Variants in ST6GALNAC5 observed in about 807,000 individuals in gnomAD.
The protein encoded by ST6GALNAC5 is alpha-N-acetylgalactosaminide alpha-2,6-sialyltransferase 5.
ST6GALNAC5 carries 27 observed loss-of-function variants against 33.6 expected under a neutral mutation model. The observed-to-expected ratio is 0.80, with a 90% CI of 0.59 to 1.11. The LOEUF (loss-of-function observed/expected upper bound fraction) is 1.11. ST6GALNAC5 is among the 50% of genes least tolerant of loss of function. The pLI, the probability that ST6GALNAC5 is intolerant of heterozygous loss-of-function variation, is 0.00. For missense variants in ST6GALNAC5, 428 were observed against 454.0 expected (o/e 0.94, Z 0.52); for synonymous variants, 194 against 171.2 (o/e 1.13, Z -1.04).
intron 2 of ST6GALNAC5, among the ~76,000 whole-genome samples, chr1:76,936,168 T>G (rs892960183): frequency 6.6e-6 from 1 of 152,080 alleles, no homozygotes; most frequent in Non-Finnish European, 1.5e-5. Context: ...GGGTGGCATA[T>G]TTTGCACACG....
chr1:77,066,335 A>G lies in ST6GALNAC5; in HGVS notation c.*3129A>G, dbSNP rs1652777811. Among the ~76,000 whole-genome samples the G allele has an allele frequency of 6.6e-6, 1 of 152,162 alleles. No homozygotes were observed. Among genetic ancestry groups the G allele is most frequent in the Non-Finnish European group, 1.5e-5 (1 of 68,024 alleles). ...ATTTGTGTGGTCTCTCACAATCCTTAGGTTACTACCAGATTTGTGTATCCT... is the reference window on the plus strand; with the variant it reads ...ATTTGTGTGGTCTCTCACAATCCTTGGGTTACTACCAGATTTGTGTATCCT... On this transcript the variant is annotated 3_prime_UTR_variant, in exon 5 of 5. Transcript: ENST00000477717.
chr1:77,007,844 C>T (rs1434144906), intron 2 of ST6GALNAC5, among the ~76,000 whole-genome samples: 2 of 152,252 alleles, frequency 1.3e-5, no homozygotes, highest in East Asian at 3.8e-4. Flanking sequence ...TTCTCACTTC[C>T]TTTATGCTTT....
chr1:77,053,920 C>A (rs1245786143), intron 4 of ST6GALNAC5, among the ~76,000 whole-genome samples: 5 of 152,174 alleles, frequency 3.3e-5, no homozygotes, highest in Non-Finnish European at 1.5e-5. Context: ...CCCAGTGTCT[C>A]ACTGCAATGA....
intron 2 of ST6GALNAC5, among the ~76,000 whole-genome samples, chr1:77,005,668 A>G (rs1365456844): frequency 6.6e-6 from 1 of 152,222 alleles, no homozygotes; most frequent in African/African-American, 2.4e-5. Context: ...TTCTCATCCC[A>G]AATTGAAACT....
intron 2 of ST6GALNAC5, among the ~76,000 whole-genome samples, chr1:76,873,598 C>G (rs1027219136): frequency 6.6e-6 from 1 of 152,042 alleles, no homozygotes; most frequent in Non-Finnish European, 1.5e-5. Flanking sequence ...ATCTCAAGAC[C>G]CTAGTATGTC....
intron 4 of ST6GALNAC5, among the ~76,000 whole-genome samples, chr1:77,061,864 T>C (rs1053713280): frequency 6.6e-6 from 1 of 152,098 alleles, no homozygotes; most frequent in African/African-American, 2.4e-5. Flanking sequence ...GACAGAGATA[T>C]AGAGGCAGAA....
chr1:76,995,612 T>A (rs1283741598), intron 2 of ST6GALNAC5: 1 of 151,626 alleles, frequency 6.6e-6, no homozygotes, highest in Non-Finnish European at 1.5e-5. Context: ...TGAAAAAAAA[T>A]AATGTGAATT....
In ST6GALNAC5 at chr1:76,868,765, G is replaced by C; in HGVS notation, c.261+23G>C. 6.8e-7 allele frequency: 1 copy of C among 1,470,290 alleles called. No homozygotes were observed. The highest frequency in any genetic ancestry group is 1.4e-5 in the South Asian group (1 of 70,992). The allele number at this position is 1,470,290 out of a possible 1,614,324, so 91.1% of individuals were successfully genotyped here. On this transcript the variant is annotated intron_variant, in intron 2 of 4. Transcript: ENST00000477717. The surrounding 1 kb of genome is among the most constrained non-coding windows in gnomAD (Gnocchi z 4.3). ...AAGGTGACAGCATGCCCGCCAGCCCGCTCGCCACTCAGCCTGGGGATCCCG... is the reference window on the plus strand; with the variant it reads ...AAGGTGACAGCATGCCCGCCAGCCCCCTCGCCACTCAGCCTGGGGATCCCG...
chr1:76,967,550 AT>A (rs1202756904), intron 2 of ST6GALNAC5, among the ~76,000 whole-genome samples: 1 of 152,084 alleles, frequency 6.6e-6, no homozygotes, highest in African/African-American at 2.4e-5. Flanking sequence ...GAATTCATTA[AT>A]TTTTTGAAGG....
At chr1:76,879,979 GCTCTTTCTCTACGGGAGATAAGA>G (rs1464676050) in intron 2 of ST6GALNAC5, among the ~76,000 whole-genome samples, 2 of 152,138 alleles carry the variant, frequency 1.3e-5, no homozygotes, top group African/African-American at 4.8e-5. Flanking sequence ...CACAATTTCA[GCTCTTTCTCTACGGGAGATAAGA>G]CTCTCACTCA....
chr1:77,026,220 T>A (rs1018698880), intron 2 of ST6GALNAC5, among the ~76,000 whole-genome samples: 6 of 152,146 alleles, frequency 3.9e-5, no homozygotes, highest in African/African-American at 1.2e-4. Flanking sequence ...CTGGGAGATA[T>A]GATTAAGGAG....
chr1:77,006,672 T>C (rs1557758305), intron 2 of ST6GALNAC5, among the ~76,000 whole-genome samples: 1 of 152,130 alleles, frequency 6.6e-6, no homozygotes, highest in Non-Finnish European at 1.5e-5. Context: ...GATCAGATAA[T>C]TTGAGAAACA....
At chr1:76,900,743 C>A (rs557247331) in intron 2 of ST6GALNAC5, among the ~76,000 whole-genome samples, 2 of 152,078 alleles carry the variant, frequency 1.3e-5, no homozygotes, top group Non-Finnish European at 2.9e-5. Context: ...AGAAGAATAA[C>A]CTTTCTTATG....
intron 3 of ST6GALNAC5, among the ~76,000 whole-genome samples, chr1:77,045,612 A>G (rs1296211688): frequency 1.3e-5 from 2 of 152,242 alleles, no homozygotes; most frequent in Admixed American, 6.5e-5. Context: ...TTTCTCAAAA[A>G]GATGTACATA....
rs57532335 is a variant in ST6GALNAC5 at position 76,961,504 on chromosome 1, A to G, written c.262-82700A>G. ...GGAACAAATCCTTGATAGAACTAAT[A>G]TGATCCTCCATGATCTGCCCATGCC... On this transcript the variant is annotated intron_variant, in intron 2 of 4. Coordinates refer to ENST00000477717, the MANE Select transcript of ST6GALNAC5 (RefSeq NM_030965.3). Among the ~76,000 whole-genome samples, 1,226 of 152,292 alleles carry G rather than the reference A, an allele frequency of 8.1e-3. 15 individuals carry two copies. The highest frequency in any genetic ancestry group is 0.027 in the African/African-American group (1,142 of 41,558).
At chr1:76,933,515 A>G (rs1458751700) in intron 2 of ST6GALNAC5, among the ~76,000 whole-genome samples, 1 of 152,064 alleles carries the variant, frequency 6.6e-6, no homozygotes, top group Non-Finnish European at 1.5e-5. Flanking sequence ...GACAAAGGCT[A>G]GGAAAAAGAG....
chr1:76,963,320 T>C (rs1016431772), intron 2 of ST6GALNAC5, among the ~76,000 whole-genome samples: 9 of 152,144 alleles, frequency 5.9e-5, no homozygotes, highest in African/African-American at 2.2e-4. Context: ...ACACAGCGAG[T>C]GCTCTGGCTA....
intron 2 of ST6GALNAC5, among the ~76,000 whole-genome samples, chr1:77,026,804 T>C (rs984245882): frequency 8.0e-6 from 1 of 125,044 alleles, no homozygotes; most frequent in Non-Finnish European, 1.7e-5. Flanking sequence ...AATGAATGAA[T>C]GAATGAATGA....
intron 2 of ST6GALNAC5, among the ~76,000 whole-genome samples, chr1:76,913,909 G>A (rs540231117): frequency 1.3e-5 from 2 of 152,236 alleles, no homozygotes; most frequent in South Asian, 2.1e-4. Context: ...AATTGTCCCT[G>A]TTTGCAGACG....
Sources: allele counts gnomAD v4.1 joint callset (sites outside exome capture counted in the v4.1 genomes callset), GRCh38; gene constraint gnomAD v4.1.1; non-coding constraint Gnocchi (gnomAD v3.1); transcripts MANE v1.5; gene names NCBI Gene and HGNC (gene_info 2026-07-23, HGNC 2026-07-21).